Variants in SHROOM4 observed in about 807,000 individuals in gnomAD.
The protein encoded by SHROOM4 is protein Shroom4.
A neutral mutation model predicts 80.3 loss-of-function variants in SHROOM4; 17 were observed. The ratio of observed to expected loss-of-function variants is 0.21; its 90% CI spans 0.14 to 0.32. The LOEUF is 0.32. SHROOM4 is among the 10% of genes least tolerant of loss of function. SHROOM4 has a pLI of 1.00. For synonymous variants in SHROOM4, 400 were observed against 437.5 expected (o/e 0.91, Z 1.07); for missense variants, 993 against 1,140.3 (o/e 0.87, Z 1.86).
At chrX:50,586,140 C>A (rs1021167191), downstream of SHROOM4, among the ~76,000 whole-genome samples, 10 of 111,623 alleles carry the variant, frequency 9.0e-5, no homozygotes, top group Middle Eastern at 0.018. Flanking sequence ...TTAAGTTTAG[C>A]CCAAATAAGA....
At chrX:50,626,343 G>A (rs1052222119) in intron 5 of SHROOM4, among the ~76,000 whole-genome samples, 2 of 112,127 alleles carry the variant, frequency 1.8e-5, no homozygotes, top group African/African-American at 6.5e-5. Context: ...CAGGTGCCAG[G>A]TGCTTCTTAA....
chrX:50,800,741 T>C (rs782566065), intron 1 of SHROOM4, among the ~76,000 whole-genome samples: 1 of 111,053 alleles, frequency 9.0e-6, no homozygotes, highest in Admixed American at 9.5e-5. Context: ...AGATGGAGAA[T>C]GGTCTGTAAT....
chrX:50,762,459 T>C (rs1935179925), intron 1 of SHROOM4, among the ~76,000 whole-genome samples: 1 of 112,576 alleles, frequency 8.9e-6, no homozygotes, highest in African/African-American at 3.2e-5. Flanking sequence ...CTTTTATAGT[T>C]ACTACATAAT....
Position 50,608,060 on chromosome X carries a change from T to C in SHROOM4, c.3082A>G (p.Lys1028Glu). 3 of 1,211,456 alleles carry C rather than the reference T, an allele frequency of 2.5e-6. No homozygotes were observed. The highest frequency in any genetic ancestry group is 3.4e-6 in the Non-Finnish European group (3 of 895,415). ...TCCTCTGATTTTTTCAAAGCATGTTTGAAGTCTCCAAGGAGGTCAAGAGAA... is the reference window on the plus strand; with the variant it reads ...TCCTCTGATTTTTTCAAAGCATGTTCGAAGTCTCCAAGGAGGTCAAGAGAA... ...ISSLDLLGDF[K>E]HALKKSEETS... Residue 1028 changes from lysine to glutamate, a missense_variant, in exon 6 of 9, where the codon AAA becomes GAA. Lys to Glu is a moderately conservative substitution (Grantham distance 56, BLOSUM62 1). Coordinates refer to ENST00000376020, the MANE Select transcript of SHROOM4 (RefSeq NM_020717.5).
chrX:50,693,778 ATTG>A (rs781874595), intron 2 of SHROOM4, among the ~76,000 whole-genome samples: 246 of 110,389 alleles, frequency 2.2e-3, no homozygotes, highest in Middle Eastern at 9.4e-3. Flanking sequence ...TATACAATAG[ATTG>A]TTAACTATAG....
At chrX:50,654,016 T>C (rs1415778396) in intron 2 of SHROOM4, among the ~76,000 whole-genome samples, 3 of 112,150 alleles carry the variant, frequency 2.7e-5, no homozygotes, top group Non-Finnish European at 5.6e-5. Context: ...AAGTGACTTC[T>C]AAATACGGGC....
intron 2 of SHROOM4, among the ~76,000 whole-genome samples, chrX:50,676,893 A>G (rs1319717850): frequency 8.9e-6 from 1 of 112,025 alleles, no homozygotes; most frequent in Non-Finnish European, 1.9e-5. Flanking sequence ...GCAAAGTGGA[A>G]GGAAGAAAAG....
rs1356309488 is a variant in SHROOM4 at position 50,687,663 on chromosome X, G to A, written c.269+8123C>T. Among the ~76,000 whole-genome samples the A allele has an allele frequency of 3.6e-5, 4 of 111,182 alleles. No homozygotes were observed. The Admixed American group carries it at 3.9e-4, about 11-fold the overall frequency. ...CTAGACAAGGCTCAAAGATATGGCA[G>A]TTCCTTTTCATAATCTTAATGCTGG... On this transcript the variant is annotated intron_variant, in intron 2 of 8. Transcript: ENST00000376020.
At chrX:50,611,294 G>A (rs1415868553) in intron 5 of SHROOM4, among the ~76,000 whole-genome samples, 4 of 109,183 alleles carry the variant, frequency 3.7e-5, no homozygotes, top group African/African-American at 1.0e-4. Flanking sequence ...GACTACAGGC[G>A]CCCGCTACCG....
chrX:50,608,414 CCT>C lies in SHROOM4; in HGVS notation c.2958-232_2958-231del, dbSNP rs782316156. Among the ~76,000 whole-genome samples, 32 of 111,838 alleles carry C rather than the reference CCT, an allele frequency of 2.9e-4. 1 individual carries two copies. The highest frequency in any genetic ancestry group is 1.0e-3 in the African/African-American group (32 of 30,786). On this transcript the variant is annotated intron_variant, in intron 5 of 8. Transcript: ENST00000376020. ...GTTTCCATGTCTTCACTTATCTAAT[CCT>C]CACAATAACCCCAGGAGGTAGCTAT...
At chrX:50,609,941 A>G (rs1557249496) in intron 5 of SHROOM4, among the ~76,000 whole-genome samples, 2 of 110,990 alleles carry the variant, frequency 1.8e-5, no homozygotes, top group Admixed American at 1.9e-4. Flanking sequence ...CTCAGAGTAT[A>G]AAGAGTTAAG....
At chrX:50,578,756 T>G in the SHROOM4 span, among the ~76,000 whole-genome samples, 3 of 112,088 alleles carry the variant, frequency 2.7e-5, no homozygotes, top group South Asian at 1.1e-3. Context: ...TTAACTTAAA[T>G]GTAGCATAGT....
At chrX:50,645,993 C>T (rs782272627) in intron 2 of SHROOM4, among the ~76,000 whole-genome samples, 4 of 111,385 alleles carry the variant, frequency 3.6e-5, no homozygotes, top group South Asian at 3.8e-4. Flanking sequence ...CAGTATCTTC[C>T]GATAGCACCA....
downstream of SHROOM4, among the ~76,000 whole-genome samples, chrX:50,586,182 G>C (rs1209754969): frequency 8.9e-6 from 1 of 111,942 alleles, no homozygotes; most frequent in Admixed American, 9.5e-5. Flanking sequence ...ATCATTTATT[G>C]TATCTGCTGA....
chrX:50,653,138 A>T (rs187944177), intron 2 of SHROOM4, among the ~76,000 whole-genome samples: 1 of 111,874 alleles, frequency 8.9e-6, no homozygotes, highest in Non-Finnish European at 1.9e-5. Flanking sequence ...GAGAGCACTG[A>T]ATCTATAAAT....
chrX:50,595,342 G>C lies in SHROOM4; in HGVS notation c.*1353C>G, dbSNP rs1195565892. ...GGTCTTCAATTGCTCTGGGGAGCTG[G>C]CTCTGGCTGGAGCTCCCAGCTACCT... On this transcript the variant is annotated 3_prime_UTR_variant, in exon 9 of 9. Transcript: ENST00000376020. The C allele has an allele frequency of 5.1e-5, 6 of 116,611 alleles. No individual in the cohort carries two copies. Among genetic ancestry groups the C allele is most frequent in the African/African-American group, 1.6e-4 (5 of 30,796 alleles). 9.6% of individuals were successfully genotyped at this position (116,611 alleles called of 1,213,427 possible).
rs151240703 is a variant in SHROOM4, at chrX:50,726,375, T to C, written c.118-30438A>G. Among the ~76,000 whole-genome samples the C allele has an allele frequency of 6.8e-3, 761 of 112,408 alleles. 6 individuals are homozygous for C. Among genetic ancestry groups the C allele is most frequent in the African/African-American group, 0.024 (731 of 30,951 alleles). Reference sequence around the variant, plus strand: ...TCTGGGGAGAAATTCAAGCCTGCTATAGAAATTTGCATAAGTAACGAGGAG... The same window carrying C: ...TCTGGGGAGAAATTCAAGCCTGCTACAGAAATTTGCATAAGTAACGAGGAG... On this transcript the variant is annotated intron_variant, in intron 1 of 8. Coordinates refer to ENST00000376020, the MANE Select transcript of SHROOM4 (RefSeq NM_020717.5).
At position 50,592,111 on chromosome X, in the gene SHROOM4, AGTT is replaced by A. The variant is rs1557245686; in HGVS notation, c.*4581_*4583del. 1 of 329,939 alleles carries A rather than the reference AGTT, an allele frequency of 3.0e-6. No homozygotes were observed. Among genetic ancestry groups the A allele is most frequent in the Non-Finnish European group, 5.9e-6 (1 of 170,133 alleles). 27.2% of individuals were successfully genotyped at this position (329,939 alleles called of 1,213,427 possible). ...CTTTCCTAAATTCATCCAGGCAGGTAGTTGTGAGCAACACGAGAAGAGCAAGAA... is the reference window on the plus strand; with the variant it reads ...CTTTCCTAAATTCATCCAGGCAGGTAGTGAGCAACACGAGAAGAGCAAGAA... On this transcript the variant is annotated 3_prime_UTR_variant, in exon 9 of 9. Coordinates refer to ENST00000376020, the MANE Select transcript of SHROOM4 (RefSeq NM_020717.5).
intron 2 of SHROOM4, among the ~76,000 whole-genome samples, chrX:50,657,314 G>A (rs1932345140): frequency 9.0e-6 from 1 of 111,067 alleles, no homozygotes; most frequent in Admixed American, 9.6e-5. Flanking sequence ...GAAAATGGGT[G>A]CCCTTGTCTT....
Sources: allele counts gnomAD v4.1 joint callset (sites outside exome capture counted in the v4.1 genomes callset), GRCh38; gene constraint gnomAD v4.1.1; transcripts MANE v1.5; gene names NCBI Gene and HGNC (gene_info 2026-07-23, HGNC 2026-07-21).